NEK7: variants seen among roughly 807,000 people sequenced by gnomAD.
The protein encoded by NEK7 is NIMA related kinase 7.
A neutral mutation model predicts 44.6 loss-of-function variants in NEK7; 18 were observed. The observed-to-expected ratio is 0.40, with a 90% CI of 0.28 to 0.60. The LOEUF (loss-of-function observed/expected upper bound fraction) is 0.60, where lower values mean the gene tolerates loss of function less well. Ranked by LOEUF, NEK7 falls within the 20% of genes least tolerant of loss-of-function variation. The pLI is 0.38. For missense variants in NEK7, 256 were observed against 366.5 expected (o/e 0.70, Z 2.46); for synonymous variants, 130 against 121.1 (o/e 1.07, Z -0.48).
intron 1 of NEK7, among the ~76,000 whole-genome samples, chr1:198,174,516 A>T (rs1050834391): frequency 1.3e-5 from 2 of 152,164 alleles, no homozygotes; most frequent in African/African-American, 2.4e-5. Context: ...ATTGTGTCCT[A>T]CTAACCTAAT....
chr1:198,185,972 C>CT, intron 1 of NEK7, among the ~76,000 whole-genome samples: 1 of 152,244 alleles, frequency 6.6e-6, no homozygotes, highest in Admixed American at 6.5e-5. Context: ...TATAAATCAT[C>CT]TTTTTTTGCT....
At chr1:198,302,862 C>G (rs549718187) in intron 9 of NEK7, among the ~76,000 whole-genome samples, 2 of 151,040 alleles carry the variant, frequency 1.3e-5, no homozygotes, top group East Asian at 1.9e-4. Flanking sequence ...GGTACCTGTG[C>G]GGCATGGCAT....
intron 2 of NEK7, among the ~76,000 whole-genome samples, chr1:198,245,711 A>G (rs1666817962): frequency 6.6e-6 from 1 of 152,170 alleles, no homozygotes; most frequent in African/African-American, 2.4e-5. Context: ...TGGAAGAAAC[A>G]AAGTGGGTTT....
intron 9 of NEK7, among the ~76,000 whole-genome samples, chr1:198,297,454 G>A (rs1185692877): frequency 6.6e-6 from 1 of 152,200 alleles, no homozygotes; most frequent in East Asian, 1.9e-4. Context: ...ACAGCATGTG[G>A]TGTAAAATTG....
At chr1:198,172,449 G>T (rs1664478054) in intron 1 of NEK7, among the ~76,000 whole-genome samples, 1 of 152,146 alleles carries the variant, frequency 6.6e-6, no homozygotes, top group Admixed American at 6.5e-5. Flanking sequence ...TTCTTTTTCA[G>T]TTTTGACTCT....
intron 1 of NEK7, among the ~76,000 whole-genome samples, chr1:198,165,158 A>G (rs190129896): frequency 3.3e-5 from 5 of 152,296 alleles, no homozygotes; most frequent in Non-Finnish European, 5.9e-5. Flanking sequence ...GACTTCCTTC[A>G]CTGAAATCTT....
chr1:198,285,760 G>A (rs185845616), intron 7 of NEK7, among the ~76,000 whole-genome samples: 2 of 152,134 alleles, frequency 1.3e-5, no homozygotes, highest in Non-Finnish European at 2.9e-5. Flanking sequence ...TATGAGTATT[G>A]TTCATGGCTT....
rs546279679 is a variant in NEK7 at position 198,309,453 on chromosome 1, T to TA, written c.799-9958dup. On this transcript the variant is annotated intron_variant, in intron 9 of 9. Transcript: ENST00000367385. ...GCCTTAGCTTTTCTTTTCTTTTTTT[T>TA]ATTATTATTATACTTTAAGTTTTAG... Among the ~76,000 whole-genome samples, 18 of 152,172 alleles carry TA rather than the reference T, an allele frequency of 1.2e-4. No individual in the cohort carries two copies. In the South Asian group the frequency reaches 3.7e-3, roughly 32 times the overall value.
intron 1 of NEK7, among the ~76,000 whole-genome samples, chr1:198,199,927 T>C (rs1372776294): frequency 6.6e-6 from 1 of 152,182 alleles, no homozygotes; most frequent in East Asian, 1.9e-4. Flanking sequence ...TACTAATATA[T>C]TTAGATTTAA....
intron 9 of NEK7, among the ~76,000 whole-genome samples, chr1:198,313,660 G>C (rs1325525924): frequency 1.5e-5 from 2 of 136,142 alleles, no homozygotes; most frequent in Non-Finnish European, 3.1e-5. Context: ...CTCAGCATTT[G>C]CTTGTCTGTA....
At chr1:198,298,414 A>G (rs1401791110) in intron 9 of NEK7, among the ~76,000 whole-genome samples, 1 of 152,208 alleles carries the variant, frequency 6.6e-6, no homozygotes, top group Non-Finnish European at 1.5e-5. Flanking sequence ...TTTGATACTG[A>G]TAATCAGTGA....
chr1:198,157,444 G>C (rs1450460271), intron 1 of NEK7, among the ~76,000 whole-genome samples, 168 bp downstream of exon 1: 1 of 152,204 alleles, frequency 6.6e-6, no homozygotes, highest in Non-Finnish European at 1.5e-5. Flanking sequence ...GAGGCGGATG[G>C]GGGTTTCGGT....
intron 3 of NEK7, among the ~76,000 whole-genome samples, chr1:198,257,579 A>G (rs1461321151): frequency 6.6e-6 from 1 of 152,172 alleles, no homozygotes; most frequent in Non-Finnish European, 1.5e-5. Flanking sequence ...TATGAACTTC[A>G]TTTAATCTCT....
At chr1:198,248,743 CAA>C (rs1340456699) in intron 2 of NEK7, among the ~76,000 whole-genome samples, 3 of 151,882 alleles carry the variant, frequency 2.0e-5, no homozygotes, top group Admixed American at 6.6e-5. Flanking sequence ...CATTTCAACT[CAA>C]AGATCTTTTC....
rs185556598 is a variant in NEK7 at position 198,202,018 on chromosome 1, C to G, written c.-28-30535C>G. On this transcript the variant is annotated intron_variant, in intron 1 of 9. Transcript: ENST00000367385. ...TTAGCACCAAGCTAAAGTTTCATAT[C>G]TTAGGACAGTTTATTACAATCAATT... Among the ~76,000 whole-genome samples the G allele has an allele frequency of 4.4e-3, 671 of 152,234 alleles. 3 individuals carry two copies. The highest frequency in any genetic ancestry group is 7.4e-3 in the Non-Finnish European group (502 of 68,012).
intron 9 of NEK7, among the ~76,000 whole-genome samples, chr1:198,315,632 G>A (rs1204160755): frequency 6.6e-6 from 1 of 152,128 alleles, no homozygotes. Flanking sequence ...AGATGGTGTG[G>A]CAGGAGCAAA....
chr1:198,238,946 C>G (rs921486640), intron 2 of NEK7, among the ~76,000 whole-genome samples: 3 of 152,142 alleles, frequency 2.0e-5, no homozygotes, highest in Non-Finnish European at 4.4e-5. Flanking sequence ...GTTGCCCAAC[C>G]TAGAAACAAG....
At chr1:198,252,318 G>T (rs573563060) in intron 2 of NEK7, among the ~76,000 whole-genome samples, 5 of 151,770 alleles carry the variant, frequency 3.3e-5, no homozygotes, top group South Asian at 2.1e-4. Flanking sequence ...TTTGGAATAG[G>T]TGTGGTGTGG....
chr1:198,317,288 C>T (rs952012875), intron 9 of NEK7, among the ~76,000 whole-genome samples: 2 of 152,198 alleles, frequency 1.3e-5, no homozygotes, highest in African/African-American at 4.8e-5. Flanking sequence ...TGTGGCTCTG[C>T]CTGTCGCAAG....
Sources: gnomAD v4.1 joint callset for allele counts (sites outside exome capture counted in the v4.1 genomes callset) on GRCh38, gnomAD v4.1.1 for gene constraint, MANE v1.5 for transcripts, NCBI Gene and HGNC (gene_info 2026-07-23, HGNC 2026-07-21) for gene names.